The following BRCA1 variants were observed in gnomAD, a reference collection of about 807,000 sequenced individuals.
The protein encoded by BRCA1 is breast cancer type 1 susceptibility protein.
A neutral mutation model predicts 173.7 loss-of-function variants in BRCA1; 140 were observed. That is an observed-to-expected ratio of 0.81 (90% CI 0.70 to 0.93). The LOEUF (loss-of-function observed/expected upper bound fraction) is 0.93, where lower values mean the gene tolerates loss of function less well. Ranked by LOEUF, BRCA1 falls within the 40% of genes least tolerant of loss-of-function variation. The probability of loss-of-function intolerance (pLI) is 0.00; values close to 1 mark genes in which losing one functional copy is unlikely to be tolerated. For missense variants in BRCA1, 1,983 were observed against 2,172.5 expected (o/e 0.91, Z 1.73); for synonymous variants, 662 against 756.0 (o/e 0.88, Z 2.04).
At chr17:43,110,413 C>G (rs914051189) in intron 3 of BRCA1, 4 of 251,422 alleles carry the variant, frequency 1.6e-5, no homozygotes, top group South Asian at 1.6e-4. Context: ...TGGCGAAACC[C>G]CGTCTCTACA....
intron 1 of BRCA1, among the ~76,000 whole-genome samples, chr17:43,155,625 C>T (rs775128140): frequency 2.0e-5 from 3 of 152,036 alleles, no homozygotes; most frequent in African/African-American, 4.8e-5. Context: ...CTCTGCCTCT[C>T]GGATTGAAGT....
chr17:43,093,647 A>C lies in BRCA1; in HGVS notation c.1884T>G (p.Ser628Arg), dbSNP rs80357495. 1 of 1,614,060 alleles carries C rather than the reference A, an allele frequency of 6.2e-7. No homozygotes were observed. ...RHIHALELVVSRNLSPPNCTE... is the reference protein window; with the variant it reads ...RHIHALELVVRRNLSPPNCTE... ...TACAATTAGGTGGGCTTAGATTTCT[A>C]CTGACTACTAGTTCAAGCGCATGAA... is the stretch of plus-strand genomic sequence containing the variant. The change falls in exon 10 of 23, where the codon AGT (serine) becomes AGG (arginine). Residue 628 changes from serine (S) to arginine (R), a missense_variant. Ser to Arg is a moderately radical substitution (Grantham distance 110). Coordinates refer to ENST00000357654, the MANE Select transcript of BRCA1 (RefSeq NM_007294.4).
Position 43,147,431 on chromosome 17 carries a change from T to C in BRCA1, c.-20+22695A>G, listed in dbSNP as rs563238347. On this transcript the variant is annotated intron_variant, in intron 1 of 7. Transcript: ENST00000634433. ...GTCTCGATCTCCTGACCTCGTGATC[T>C]GCCCGCCTCGGCCTCCCAAAGTGCT... Among the ~76,000 whole-genome samples, 11 of 152,222 alleles carry C rather than the reference T, an allele frequency of 7.2e-5. No individual in the cohort carries two copies. In the South Asian group the frequency reaches 1.2e-3, roughly 17 times the overall value.
intron 1 of BRCA1, among the ~76,000 whole-genome samples, chr17:43,137,108 A>G (rs1175165773): frequency 6.6e-6 from 1 of 152,198 alleles, no homozygotes; most frequent in Non-Finnish European, 1.5e-5. Flanking sequence ...GTCCTAAAAA[A>G]TGATGAGTTC....
At chr17:43,103,982 C>T in intron 6 of BRCA1, 140 bp downstream of exon 6, 2 of 1,091,242 alleles carry the variant, frequency 1.8e-6, no homozygotes, top group Non-Finnish European at 2.7e-6. Flanking sequence ...TGGCGCGTGC[C>T]TGTAATCCCA....
intron 1 of BRCA1, among the ~76,000 whole-genome samples, chr17:43,139,329 C>A (rs1208764991): frequency 6.7e-6 from 1 of 149,640 alleles, no homozygotes; most frequent in Non-Finnish European, 1.5e-5. Context: ...CAGATTATTT[C>A]GTCACCCAGG....
Position 43,093,315 on chromosome 17 carries a change from T to TA in BRCA1, c.2215_2216insT (p.Lys739IlefsTer4). 1 of 1,613,790 alleles carries TA rather than the reference T, an allele frequency of 6.2e-7. No individual in the cohort carries two copies. Among genetic ancestry groups the TA allele is most frequent in the Non-Finnish European group, 8.5e-7 (1 of 1,179,910 alleles). ...GGGGTCTTCAGCATTATTAGACACT[T>TA]TAACTGTTTCTAGTTTCTCTTCTTT... On this transcript the variant is annotated frameshift_variant, in exon 10 of 23. Transcript: ENST00000357654. LOFTEE classifies it high-confidence loss of function.
chr17:43,133,680 G>T (rs1301773947), intron 1 of BRCA1, among the ~76,000 whole-genome samples: 4 of 148,850 alleles, frequency 2.7e-5, no homozygotes, highest in African/African-American at 9.9e-5. Context: ...TGTTACCCAG[G>T]CTGGAGTGCA....
chr17:43,122,496 T>C (rs1179389078), intron 2 of BRCA1, among the ~76,000 whole-genome samples: 1 of 152,184 alleles, frequency 6.6e-6, no homozygotes, highest in Non-Finnish European at 1.5e-5. Context: ...ACATAGAATG[T>C]CAGCTAGTAA....
chr17:43,149,021 C>T (rs888252220), intron 1 of BRCA1, among the ~76,000 whole-genome samples: 5 of 152,140 alleles, frequency 3.3e-5, no homozygotes, highest in Non-Finnish European at 5.9e-5. Flanking sequence ...TCTGTGAACG[C>T]TCAATCCCTT....
chr17:43,150,818 G>A (rs1286475636), intron 1 of BRCA1, among the ~76,000 whole-genome samples: 1 of 152,104 alleles, frequency 6.6e-6, no homozygotes, highest in Non-Finnish European at 1.5e-5. Context: ...CAGTGAGTCA[G>A]GGTGACCAAG....
rs80356884 is a variant in BRCA1 at position 43,093,263 on chromosome 17, C to T, written c.2268G>A (p.Arg756=). The T allele has an allele frequency of 6.2e-7, 1 of 1,614,030 alleles. No homozygotes were observed. The highest frequency in any genetic ancestry group is 1.1e-5 in the South Asian group (1 of 91,074). Residue 756 remains arginine (R), a synonymous_variant, in exon 10 of 23, where the codon AGG becomes AGA. Coordinates refer to ENST00000357654, the MANE Select transcript of BRCA1 (RefSeq NM_007294.4). The part of the protein sequence containing the change: ...DPKDLMLSGE[R]VLQTERSVES... ...CTACAGATCTTTCAGTTTGCAAAACCCTTTCTCCACTTAACATGAGATCTT... is the reference window on the plus strand; with the variant it reads ...CTACAGATCTTTCAGTTTGCAAAACTCTTTCTCCACTTAACATGAGATCTT...
intron 20 of BRCA1, chr17:43,050,267 C>T (rs2051150404): frequency 2.5e-6 from 1 of 394,166 alleles, no homozygotes. Flanking sequence ...AGCTTTATAG[C>T]AGTCCTAAGC....
chr17:43,161,885 G>A (rs2056238184), intron 1 of BRCA1: 1 of 152,108 alleles, frequency 6.6e-6, no homozygotes, highest in Admixed American at 6.5e-5. Context: ...TACATGCTCG[G>A]CTAATTGCAA....
chr17:43,104,816 G>A (rs1449227369), intron 5 of BRCA1, 52 bp downstream of exon 5: 2 of 1,497,280 alleles, frequency 1.3e-6, no homozygotes, highest in Non-Finnish European at 1.9e-6. Flanking sequence ...CAAACTTCCT[G>A]AGTTTTCATG....
intron 1 of BRCA1, among the ~76,000 whole-genome samples, chr17:43,157,562 G>C (rs2056205401): frequency 6.6e-6 from 1 of 152,068 alleles, no homozygotes; most frequent in Non-Finnish European, 1.5e-5. Context: ...TGGGCATGGT[G>C]GCACACGCCT....
At chr17:43,155,625 C>G (rs775128140) in intron 1 of BRCA1, among the ~76,000 whole-genome samples, 1 of 152,036 alleles carries the variant, frequency 6.6e-6, no homozygotes, top group Non-Finnish European at 1.5e-5. Flanking sequence ...CTCTGCCTCT[C>G]GGATTGAAGT....
intron 11 of BRCA1, among the ~76,000 whole-genome samples, chr17:43,089,858 T>C (rs554141394): frequency 6.6e-6 from 1 of 151,678 alleles, no homozygotes; most frequent in East Asian, 1.9e-4. Context: ...AACTTAAAAA[T>C]TAGCTGGAGG....
At chr17:43,135,361 A>T (rs534963195) in intron 1 of BRCA1, among the ~76,000 whole-genome samples, 1 of 152,300 alleles carries the variant, frequency 6.6e-6, no homozygotes, top group African/African-American at 2.4e-5. Flanking sequence ...GCCGTTTGGG[A>T]TGGTTGATTA....
Sources: allele counts gnomAD v4.1 joint callset (sites outside exome capture counted in the v4.1 genomes callset), GRCh38; gene constraint gnomAD v4.1.1; transcripts MANE v1.5; gene names NCBI Gene and HGNC (gene_info 2026-07-23, HGNC 2026-07-21).